METTL16: variants seen among roughly 807,000 people sequenced by gnomAD.
METTL16 encodes the protein RNA N(6)-adenosine-methyltransferase METTL16.
A neutral mutation model predicts 57.9 loss-of-function variants in METTL16; 19 were observed. The observed-to-expected ratio is 0.33, with a 90% CI of 0.23 to 0.48. METTL16 has a LOEUF of 0.48. METTL16 is among the 20% of genes least tolerant of loss of function. The pLI, the probability that METTL16 is intolerant of heterozygous loss-of-function variation, is 0.99. For synonymous variants in METTL16, 246 were observed against 255.6 expected, an observed-to-expected ratio of 0.96 and a Z score of 0.36; for missense variants, 434 against 691.5, an observed-to-expected ratio of 0.63 and a Z score of 4.18.
chr17:2,492,908 A>AAAAAAC (rs2067410669), intron 2 of METTL16, among the ~76,000 whole-genome samples: 1 of 138,852 alleles, frequency 7.2e-6, no homozygotes, highest in African/African-American at 2.6e-5. Flanking sequence ...AAAAAAAAAA[A>AAAAAAC]AAAAAAAACA....
chr17:2,442,984 C>T (rs1418995417), intron 6 of METTL16, among the ~76,000 whole-genome samples: 2 of 150,538 alleles, frequency 1.3e-5, no homozygotes, highest in East Asian at 2.0e-4. Context: ...TGTGCCACCA[C>T]GCCCAACTAA....
chr17:2,480,050 G>C (rs1597463159), intron 2 of METTL16, among the ~76,000 whole-genome samples: 2 of 151,912 alleles, frequency 1.3e-5, no homozygotes, highest in African/African-American at 4.8e-5. Flanking sequence ...GCCAGGCATG[G>C]TGGCGCATGC....
rs144261836 is a variant in METTL16, at chr17:2,487,986, C to G, written c.129-10101G>C. Among the ~76,000 whole-genome samples, 1,318 of 151,750 alleles carry G rather than the reference C, an allele frequency of 8.7e-3. 11 individuals carry two copies. The highest frequency in any genetic ancestry group is 0.029 in the South Asian group (140 of 4,766). Reference sequence around the variant, plus strand: ...CATCACTGTATTCCAGCCCAGGCAACAGAGCAAGACCCAGTCTCAAATAAA... The same window carrying G: ...CATCACTGTATTCCAGCCCAGGCAAGAGAGCAAGACCCAGTCTCAAATAAA... On this transcript the variant is annotated intron_variant, in intron 2 of 9. Transcript: ENST00000263092.
At chr17:2,448,581 T>TA (rs2067035030) in intron 6 of METTL16, among the ~76,000 whole-genome samples, 1 of 72,080 alleles carries the variant, frequency 1.4e-5, no homozygotes. Flanking sequence ...TCCCTAATCT[T>TA]AAGTACCCAG....
chr17:2,453,573 C>G (rs1036702294), intron 6 of METTL16, among the ~76,000 whole-genome samples: 2 of 152,172 alleles, frequency 1.3e-5, no homozygotes, highest in Non-Finnish European at 1.5e-5. Context: ...GTGCTTTCTC[C>G]AAAGCAAACT....
intron 2 of METTL16, among the ~76,000 whole-genome samples, chr17:2,501,931 C>A (rs184195598): frequency 6.6e-6 from 1 of 151,720 alleles, no homozygotes; most frequent in East Asian, 1.9e-4. Context: ...AATCGTAAAT[C>A]TCTGAAGTTA....
intron 2 of METTL16, among the ~76,000 whole-genome samples, chr17:2,494,473 TTA>T (rs1308139886): frequency 1.3e-5 from 2 of 152,300 alleles, no homozygotes; most frequent in African/African-American, 4.8e-5. Flanking sequence ...CGTGCCCACT[TTA>T]TGTCTCTATG....
At chr17:2,471,539 C>T (rs1199456178) in intron 4 of METTL16, among the ~76,000 whole-genome samples, 1 of 152,092 alleles carries the variant, frequency 6.6e-6, no homozygotes, top group Non-Finnish European at 1.5e-5. Context: ...CCTGTAATCC[C>T]AGTACTTTGG....
At chr17:2,462,990 G>A (rs2067161288) in intron 6 of METTL16, among the ~76,000 whole-genome samples, 1 of 152,318 alleles carries the variant, frequency 6.6e-6, no homozygotes, top group Non-Finnish European at 1.5e-5. Context: ...AGGGTGAGAA[G>A]TCAAGCGAGA....
intron 2 of METTL16, among the ~76,000 whole-genome samples, chr17:2,489,375 C>A (rs6502289): frequency 0.67 from 101,141 of 151,832 alleles, 37,233 homozygotes; most frequent in Non-Finnish European, 0.82. Context: ...GTGATTTCGG[C>A]CGGGCGCAGT....
chr17:2,482,529 G>T (rs531115880), intron 2 of METTL16, among the ~76,000 whole-genome samples: 12 of 152,342 alleles, frequency 7.9e-5, no homozygotes, highest in Non-Finnish European at 1.3e-4. Context: ...AATGGAGAGG[G>T]AGTGCCTCAG....
Position 2,443,792 on chromosome 17 carries a change from C to A in METTL16, c.729-2233G>T, listed in dbSNP as rs370175146. 3.3e-5 allele frequency among the ~76,000 whole-genome samples: 5 copies of A among 152,158 alleles called. No homozygotes were observed. In the South Asian group the frequency reaches 1.0e-3, roughly 32 times the overall value. ...GGGATTACAGGGGTGAGCCACCGCA[C>A]CTGGCCTTATTTCTTATAATGATAA... On this transcript the variant is annotated intron_variant, in intron 6 of 9. Transcript: ENST00000263092.
At chr17:2,438,261 G>A in intron 7 of METTL16, 63 bp from the exon 8 acceptor site, 1 of 1,151,038 alleles carries the variant, frequency 8.7e-7, no homozygotes, top group Non-Finnish European at 1.3e-6. Flanking sequence ...GTTTCTGGCT[G>A]CTGCGTCATG....
intron 1 of METTL16, among the ~76,000 whole-genome samples, chr17:2,508,975 G>A (rs58438992): frequency 0.01 from 1,548 of 151,804 alleles, 27 homozygotes; most frequent in African/African-American, 0.036. Flanking sequence ...TCCCACCATC[G>A]CCTTTCACCT....
chr17:2,443,720 C>T (rs1312596200), intron 6 of METTL16, among the ~76,000 whole-genome samples: 1 of 152,062 alleles, frequency 6.6e-6, no homozygotes, highest in Non-Finnish European at 1.5e-5. Context: ...AGGATGGTCT[C>T]GATCTCCTGA....
At chr17:2,481,287 C>T (rs563152779) in intron 2 of METTL16, among the ~76,000 whole-genome samples, 1 of 148,580 alleles carries the variant, frequency 6.7e-6, no homozygotes, top group South Asian at 2.1e-4. Context: ...CACAAATTAT[C>T]AACTACCTTG....
rs546825806 is a variant in METTL16, at chr17:2,501,299, G to A, written c.128+905C>T. Among the ~76,000 whole-genome samples, 42 of 152,092 alleles carry A rather than the reference G, an allele frequency of 2.8e-4. 2 individuals carry two copies. The South Asian group carries it at 6.9e-3, about 25-fold the overall frequency. ...AATAAAAATAGCTAAGCATGGTAGG[G>A]CACACTTGGCTATTTTTATCTGGGG... On this transcript the variant is annotated intron_variant, in intron 2 of 9. Coordinates refer to ENST00000263092, the MANE Select transcript of METTL16 (RefSeq NM_024086.4).
At chr17:2,473,294 T>G (rs1300060824) in intron 4 of METTL16, among the ~76,000 whole-genome samples, 2 of 152,184 alleles carry the variant, frequency 1.3e-5, no homozygotes, top group African/African-American at 4.8e-5. Flanking sequence ...TAAATAAATT[T>G]AGGCAAATAG....
chr17:2,463,901 C>T (rs942199632), intron 6 of METTL16, among the ~76,000 whole-genome samples: 7 of 151,918 alleles, frequency 4.6e-5, no homozygotes, highest in African/African-American at 1.5e-4. Context: ...TCGAGGCAGG[C>T]AGATCACCTG....
Sources: allele counts gnomAD v4.1 joint callset (sites outside exome capture counted in the v4.1 genomes callset), GRCh38; gene constraint gnomAD v4.1.1; transcripts MANE v1.5; gene names NCBI Gene and HGNC (gene_info 2026-07-23, HGNC 2026-07-21).